The following LUZP2 variants were observed in gnomAD, a reference collection of about 807,000 sequenced individuals.
LUZP2 encodes the protein leucine zipper protein 2.
A neutral mutation model predicts 51.6 loss-of-function variants in LUZP2; 52 were observed. The ratio of observed to expected loss-of-function variants is 1.01; its 90% CI spans 0.81 to 1.27. The LOEUF (loss-of-function observed/expected upper bound fraction) is 1.27, where lower values mean the gene tolerates loss of function less well. LUZP2 is among the 50% of genes most tolerant of loss of function. LUZP2 has a pLI of 0.00. For synonymous variants in LUZP2, 154 were observed against 137.3 expected, an observed-to-expected ratio of 1.12 and a Z score of -0.85; for missense variants, 436 against 395.4, an observed-to-expected ratio of 1.10 and a Z score of -0.87.
intron 9 of LUZP2, among the ~76,000 whole-genome samples, chr11:25,014,835 T>G (rs1461784094): frequency 2.0e-5 from 3 of 151,830 alleles, no homozygotes; most frequent in Non-Finnish European, 2.9e-5. Flanking sequence ...CATGCCTATG[T>G]CCTGAATGGT....
At chr11:25,043,047 G>T (rs1483423119) in intron 9 of LUZP2, among the ~76,000 whole-genome samples, 1 of 152,150 alleles carries the variant, frequency 6.6e-6, no homozygotes, top group Non-Finnish European at 1.5e-5. Context: ...TGTGCTGTGG[G>T]AATAGTTCTA....
intron 7 of LUZP2, among the ~76,000 whole-genome samples, chr11:24,927,880 C>G (rs2133829010): frequency 6.6e-6 from 1 of 151,846 alleles, no homozygotes; most frequent in South Asian, 2.1e-4. Flanking sequence ...CATGGGATGT[C>G]TTTTCATTTG....
chr11:25,035,636 T>G (rs1218229276), intron 9 of LUZP2, among the ~76,000 whole-genome samples: 2 of 152,110 alleles, frequency 1.3e-5, no homozygotes, highest in Non-Finnish European at 2.9e-5. Flanking sequence ...GATTAAACAC[T>G]ATTCTTATCA....
intron 1 of LUZP2, among the ~76,000 whole-genome samples, chr11:24,595,328 T>C (rs1227619706): frequency 1.3e-5 from 2 of 152,144 alleles, no homozygotes; most frequent in African/African-American, 4.8e-5. Context: ...CTTTAAAATG[T>C]CAGGTGTTCC....
intron 1 of LUZP2, among the ~76,000 whole-genome samples, chr11:24,555,305 A>T (rs1851834374): frequency 6.6e-6 from 1 of 152,154 alleles, no homozygotes; most frequent in Non-Finnish European, 1.5e-5. Flanking sequence ...CTTTTGTATG[A>T]AAAAATGATG....
intron 7 of LUZP2, among the ~76,000 whole-genome samples, chr11:24,969,235 C>T (rs1352251231): frequency 6.6e-6 from 1 of 152,072 alleles, no homozygotes; most frequent in African/African-American, 2.4e-5. Flanking sequence ...TCATTTAGCT[C>T]CCACTTATAA....
chr11:25,005,211 AT>A, intron 9 of LUZP2, among the ~76,000 whole-genome samples: 1 of 151,864 alleles, frequency 6.6e-6, no homozygotes, highest in Non-Finnish European at 1.5e-5. Context: ...GGCTGGGGAG[AT>A]TAGAGGAGGC....
intron 5 of LUZP2, among the ~76,000 whole-genome samples, chr11:24,843,861 GC>G (rs960580135): frequency 3.3e-5 from 5 of 152,118 alleles, no homozygotes; most frequent in African/African-American, 1.2e-4. Flanking sequence ...CTCTCTCTTT[GC>G]CTGCCACCAT....
intron 7 of LUZP2, among the ~76,000 whole-genome samples, chr11:24,954,559 A>G (rs941624158): frequency 5.3e-5 from 8 of 151,992 alleles, no homozygotes; most frequent in Admixed American, 5.3e-4. Flanking sequence ...AAACTGTCCA[A>G]ATATGTTTGG....
chr11:25,023,953 T>A (rs1408102510), intron 9 of LUZP2, among the ~76,000 whole-genome samples: 1 of 152,070 alleles, frequency 6.6e-6, no homozygotes, highest in African/African-American at 2.4e-5. Context: ...TTTGAGTGAG[T>A]TTCTTAATCC....
chr11:25,006,148 A>T (rs1002282329), intron 9 of LUZP2, among the ~76,000 whole-genome samples: 2 of 152,094 alleles, frequency 1.3e-5, no homozygotes, highest in African/African-American at 4.8e-5. Flanking sequence ...CTGATTGGTG[A>T]GCCCGGGTGC....
chr11:24,835,505 C>T lies in LUZP2; in HGVS notation c.397-70486C>T, dbSNP rs533563895. On this transcript the variant is annotated intron_variant, in intron 5 of 11. Transcript: ENST00000336930. Reference sequence around the variant, plus strand: ...GCTTCTGCACAGCAAAATAAACTAGCATCAGAATGAACAGGCAACCTACAG... The same window carrying T: ...GCTTCTGCACAGCAAAATAAACTAGTATCAGAATGAACAGGCAACCTACAG... Among the ~76,000 whole-genome samples, 19 of 152,184 alleles carry T rather than the reference C, an allele frequency of 1.2e-4. No individual in the cohort carries two copies. The South Asian group carries it at 2.7e-3, about 22-fold the overall frequency.
chr11:24,629,891 G>A (rs1432906987), intron 1 of LUZP2, among the ~76,000 whole-genome samples: 1 of 151,702 alleles, frequency 6.6e-6, no homozygotes, highest in Non-Finnish European at 1.5e-5. Context: ...ACCTTTCTGA[G>A]TTGGGTATGA....
chr11:25,019,914 G>T (rs139704326), intron 9 of LUZP2, among the ~76,000 whole-genome samples: 2 of 147,154 alleles, frequency 1.4e-5, no homozygotes, highest in African/African-American at 2.7e-5. Context: ...TTGTTTTGAT[G>T]TAGTGTCATA....
At chr11:24,659,882 G>T (rs1855958224) in intron 1 of LUZP2, among the ~76,000 whole-genome samples, 1 of 152,098 alleles carries the variant, frequency 6.6e-6, no homozygotes, top group African/African-American at 2.4e-5. Flanking sequence ...TATGATGAAT[G>T]TCATTCCTGT....
chr11:25,057,719 G>GA (rs1395201208), intron 10 of LUZP2, among the ~76,000 whole-genome samples: 1 of 152,032 alleles, frequency 6.6e-6, no homozygotes, highest in East Asian at 1.9e-4. Context: ...CTGAGGAAAT[G>GA]AAAAACAAGG....
intron 1 of LUZP2, among the ~76,000 whole-genome samples, chr11:24,501,644 ACT>A (rs1167683754): frequency 1.3e-5 from 2 of 152,024 alleles, no homozygotes; most frequent in Non-Finnish European, 2.9e-5. Context: ...ATCCAAAAAG[ACT>A]CTCTGAACTT....
intron 7 of LUZP2, among the ~76,000 whole-genome samples, chr11:24,917,707 T>C (rs1853839993): frequency 6.6e-6 from 1 of 152,166 alleles, no homozygotes; most frequent in Admixed American, 6.6e-5. Flanking sequence ...TCTGTTTTGG[T>C]ACCAGTACCA....
chr11:24,798,177 T>C (rs1405954326), intron 5 of LUZP2, among the ~76,000 whole-genome samples: 2 of 150,688 alleles, frequency 1.3e-5, no homozygotes, highest in African/African-American at 4.9e-5. Context: ...GCTTCTTTCT[T>C]TGAAGCTAGG....
Sources: allele counts gnomAD v4.1 joint callset (sites outside exome capture counted in the v4.1 genomes callset), GRCh38; gene constraint gnomAD v4.1.1; transcripts MANE v1.5; gene names NCBI Gene and HGNC (gene_info 2026-07-23, HGNC 2026-07-21).